Variants in PAPPA2 observed in about 807,000 individuals in gnomAD.
PAPPA2 encodes the protein pappalysin 2.
PAPPA2 carries 86 observed loss-of-function variants against 176.4 expected under a neutral mutation model. The ratio of observed to expected loss-of-function variants is 0.49; its 90% CI spans 0.41 to 0.58. PAPPA2 has a LOEUF of 0.58. Ranked by LOEUF, PAPPA2 falls within the 20% of genes least tolerant of loss-of-function variation. The probability of loss-of-function intolerance (pLI) is 0.00; values close to 1 mark genes in which losing one functional copy is unlikely to be tolerated. For missense variants in PAPPA2, 2,073 were observed against 2,256.9 expected (o/e 0.92, Z 1.65); for synonymous variants, 809 against 852.2 (o/e 0.95, Z 0.88).
chr1:176,833,945 C>T (rs1369968982), intron 21 of PAPPA2, among the ~76,000 whole-genome samples: 1 of 151,968 alleles, frequency 6.6e-6, no homozygotes, highest in South Asian at 2.1e-4. Context: ...AAAATCTGGA[C>T]CTGTGTCTAA....
intron 1 of PAPPA2, among the ~76,000 whole-genome samples, chr1:176,503,215 T>A (rs1572976455): frequency 6.6e-6 from 1 of 152,238 alleles, no homozygotes; most frequent in Admixed American, 6.5e-5. Context: ...TCAAAGCCCA[T>A]GGTGACTGGC....
intron 3 of PAPPA2, among the ~76,000 whole-genome samples, chr1:176,613,739 A>C (rs749742122): frequency 5.9e-5 from 9 of 152,110 alleles, no homozygotes; most frequent in Non-Finnish European, 1.3e-4. Flanking sequence ...GATTCTGGGG[A>C]AGGAGAAAAA....
intron 12 of PAPPA2, among the ~76,000 whole-genome samples, chr1:176,735,736 CTATCATCT>C (rs777013015): frequency 8.4e-4 from 124 of 147,286 alleles, no homozygotes; most frequent in Non-Finnish European, 1.4e-3. Context: ...ATCTATCTAT[CTATCATCT>C]ATCTGTCTGT....
At chr1:176,796,007 C>T (rs541961482) in intron 20 of PAPPA2, among the ~76,000 whole-genome samples, 2 of 152,338 alleles carry the variant, frequency 1.3e-5, no homozygotes, top group African/African-American at 4.8e-5. Flanking sequence ...AGATAATACA[C>T]TGGCAAAAGC....
chr1:176,806,455 G>T (rs760239456), intron 21 of PAPPA2, among the ~76,000 whole-genome samples: 2 of 152,170 alleles, frequency 1.3e-5, no homozygotes, highest in Non-Finnish European at 2.9e-5. Flanking sequence ...CTGTGAAGTT[G>T]CATAGTGGAA....
At chr1:176,671,176 C>A in intron 4 of PAPPA2, 61 bp downstream of exon 4, 1 of 1,586,886 alleles carries the variant, frequency 6.3e-7, no homozygotes, top group Non-Finnish European at 8.6e-7. Flanking sequence ...AGGAAGCTTG[C>A]GAAAGTAAGT....
chr1:176,680,152 A>G (rs1210938339), intron 4 of PAPPA2, among the ~76,000 whole-genome samples: 1 of 152,214 alleles, frequency 6.6e-6, no homozygotes, highest in Non-Finnish European at 1.5e-5. Context: ...ACTCTTCAAT[A>G]CTTATGCAAT....
chr1:176,559,480 G>A (rs1196017294), intron 2 of PAPPA2, among the ~76,000 whole-genome samples: 1 of 152,194 alleles, frequency 6.6e-6, no homozygotes, highest in Admixed American at 6.5e-5. Flanking sequence ...CTAGCAACAG[G>A]GCTGCTGAGG....
chr1:176,535,573 T>C (rs911524841), intron 1 of PAPPA2, among the ~76,000 whole-genome samples: 1 of 152,172 alleles, frequency 6.6e-6, no homozygotes, highest in Non-Finnish European at 1.5e-5. Flanking sequence ...AACAGGTTTT[T>C]ACAGGAGACA....
chr1:176,706,789 T>G (rs2102828631), intron 10 of PAPPA2, among the ~76,000 whole-genome samples: 1 of 152,296 alleles, frequency 6.6e-6, no homozygotes, highest in East Asian at 1.9e-4. Context: ...ACCAGGGATT[T>G]ATCTTGGACC....
intron 14 of PAPPA2, among the ~76,000 whole-genome samples, chr1:176,762,622 G>A (rs1663750445): frequency 6.6e-6 from 1 of 152,138 alleles, no homozygotes; most frequent in South Asian, 2.1e-4. Flanking sequence ...GGACATCCAT[G>A]GCATGTGGCA....
At chr1:176,512,762 T>G (rs544859884) in intron 1 of PAPPA2, among the ~76,000 whole-genome samples, 1 of 152,326 alleles carries the variant, frequency 6.6e-6, no homozygotes, top group South Asian at 2.1e-4. Context: ...ATGAAAATCA[T>G]TGTTCAATAA....
At chr1:176,551,980 C>A (rs1199059092) in intron 1 of PAPPA2, among the ~76,000 whole-genome samples, 1 of 152,030 alleles carries the variant, frequency 6.6e-6, no homozygotes, top group Non-Finnish European at 1.5e-5. Flanking sequence ...AATGTTGAAG[C>A]CTTGCAATCG....
intron 21 of PAPPA2, among the ~76,000 whole-genome samples, chr1:176,806,410 T>C (rs528255371): frequency 6.6e-6 from 1 of 152,204 alleles, no homozygotes; most frequent in South Asian, 2.1e-4. Context: ...ACTTTGACTT[T>C]GAGAGTCTTA....
At chr1:176,687,702 C>T (rs898018890) in intron 4 of PAPPA2, among the ~76,000 whole-genome samples, 2 of 152,036 alleles carry the variant, frequency 1.3e-5, no homozygotes, top group African/African-American at 4.8e-5. Flanking sequence ...GATGTTTGCT[C>T]AGAGCTGAAA....
At chr1:176,628,048 G>C (rs1439144689) in intron 3 of PAPPA2, among the ~76,000 whole-genome samples, 1 of 152,156 alleles carries the variant, frequency 6.6e-6, no homozygotes, top group African/African-American at 2.4e-5. Context: ...CTGCAGAAGG[G>C]CCACTCGAGA....
At chr1:176,764,644 T>TG (rs1344151572) in intron 14 of PAPPA2, among the ~76,000 whole-genome samples, 1 of 151,228 alleles carries the variant, frequency 6.6e-6, no homozygotes, top group Non-Finnish European at 1.5e-5. Context: ...TCGCTCAGGC[T>TG]GGAGTGCAGT....
At chr1:176,736,776 G>A (rs1662437602) in intron 12 of PAPPA2, among the ~76,000 whole-genome samples, 1 of 150,810 alleles carries the variant, frequency 6.6e-6, no homozygotes, top group Non-Finnish European at 1.5e-5. Context: ...TGAAAAGCCT[G>A]CAAGAAAAAT....
intron 3 of PAPPA2, among the ~76,000 whole-genome samples, chr1:176,665,471 G>A (rs1219420332): frequency 1.3e-5 from 2 of 152,170 alleles, no homozygotes; most frequent in African/African-American, 4.8e-5. Flanking sequence ...GGGCCAGAAT[G>A]GTGCTGACGT....
Sources: gnomAD v4.1 joint callset for allele counts (sites outside exome capture counted in the v4.1 genomes callset) on GRCh38, gnomAD v4.1.1 for gene constraint, MANE v1.5 for transcripts, NCBI Gene and HGNC (gene_info 2026-07-23, HGNC 2026-07-21) for gene names.